FBL: variants seen among roughly 807,000 people sequenced by gnomAD.
The protein encoded by FBL is fibrillarin rRNA 2'-O-methyltransferase.
Under a neutral mutation model 42.2 loss-of-function variants are expected in FBL, and 10 were observed. That is an observed-to-expected ratio of 0.24 (90% CI 0.15 to 0.40). FBL has a LOEUF of 0.40. FBL is among the 10% of genes least tolerant of loss of function. The pLI, the probability that FBL is intolerant of heterozygous loss-of-function variation, is 1.00. For synonymous variants in FBL, 165 were observed against 165.4 expected, an observed-to-expected ratio of 1.00 and a Z score of 0.02; for missense variants, 351 against 439.2, an observed-to-expected ratio of 0.80 and a Z score of 1.79.
Position 39,839,170 on chromosome 19 carries a change from G to A in FBL, c.414C>T (p.Asn138=). The A allele has an allele frequency of 6.2e-7, 1 of 1,613,492 alleles. No homozygotes were observed. The highest frequency in any genetic ancestry group is 2.2e-5 in the East Asian group (1 of 44,864). ...CTGCTGCTAGCTTGGAGCGGAAGGG[G>A]TTCCAGGCTCGGTACTCAATTTTGT... ...GDDKIEYRAW[N]PFRSKLAAAI... Residue 138 remains asparagine, a synonymous_variant, in exon 5 of 9, where the codon AAC becomes AAT. Coordinates refer to ENST00000221801, the MANE Select transcript of FBL (RefSeq NM_001436.4).
At position 39,834,767 on chromosome 19, in the gene FBL, G is replaced by A; in HGVS notation, c.842C>T (p.Ser281Phe). 6.2e-7 allele frequency: 1 copy of A among 1,614,180 alleles called. No individual in the cohort carries two copies. Among genetic ancestry groups the A allele is most frequent in the Non-Finnish European group, 8.5e-7 (1 of 1,180,038 alleles). The stretch of plus-strand genomic sequence containing the variant: ...CTCCTGTTGCATCTTTTTCACTTCG[G>A]AGGCAAACACGGCCTCGGCTGAGGC... ...STASAEAVFA[S>F]EVKKMQQENM... Residue 281 changes from serine (S) to phenylalanine (F), a missense_variant, in exon 8 of 9, where the codon TCC becomes TTC. Coordinates refer to ENST00000221801, the MANE Select transcript of FBL (RefSeq NM_001436.4).
rs2145070137 is a variant in FBL, at chr19:39,845,779, T to G, written c.10+512A>C. Among the ~76,000 whole-genome samples the G allele has an allele frequency of 2.0e-5, 3 of 152,300 alleles. No individual in the cohort carries two copies. In the South Asian group the frequency reaches 6.2e-4, roughly 32 times the overall value. The stretch of plus-strand genomic sequence containing the variant: ...CCGCACACGGCCAACCGGGGAGTCC[T>G]CATCCACTCCGGCCCACTCGGAAAA... On this transcript the variant is annotated intron_variant, in intron 1 of 8. Coordinates refer to ENST00000221801, the MANE Select transcript of FBL (RefSeq NM_001436.4).
chr19:39,835,287 G>A (rs989006511), intron 7 of FBL, among the ~76,000 whole-genome samples: 12 of 152,214 alleles, frequency 7.9e-5, no homozygotes, highest in South Asian at 4.1e-4. Context: ...TTGGGAGGCC[G>A]AGGTGGCTCA....
At chr19:39,841,233 T>C (rs1266621975) in intron 1 of FBL, among the ~76,000 whole-genome samples, 2 of 151,972 alleles carry the variant, frequency 1.3e-5, no homozygotes, top group Non-Finnish European at 2.9e-5. Flanking sequence ...ACTACTCCCA[T>C]AGTGTAGAGA....
intron 1 of FBL, among the ~76,000 whole-genome samples, chr19:39,844,496 CCT>C (rs1337743332): frequency 1.3e-5 from 2 of 152,150 alleles, no homozygotes; most frequent in Non-Finnish European, 2.9e-5. Context: ...CCATAAACCC[CCT>C]GATTTAAAAT....
At chr19:39,841,331 C>T (rs1401021364) in intron 1 of FBL, among the ~76,000 whole-genome samples, 1 of 152,084 alleles carries the variant, frequency 6.6e-6, no homozygotes, top group East Asian at 1.9e-4. Context: ...GCTGGGATTA[C>T]AGGTGTCAGG....
intron 1 of FBL, among the ~76,000 whole-genome samples, chr19:39,842,206 C>T (rs1969175711): frequency 6.6e-6 from 1 of 152,260 alleles, no homozygotes; most frequent in East Asian, 1.9e-4. Flanking sequence ...CTGCCTCAGC[C>T]TCCCCAGTAG....
intron 1 of FBL, among the ~76,000 whole-genome samples, chr19:39,841,814 C>T (rs1969168656): frequency 2.6e-5 from 4 of 152,186 alleles, no homozygotes; most frequent in Admixed American, 6.5e-5. Flanking sequence ...CTGCACTTTA[C>T]AAGTAGTTTG....
rs1969142598 is a variant in FBL at position 39,840,596 on chromosome 19, G to C, written c.181+21C>G. 1 of 1,613,126 alleles carries C rather than the reference G, an allele frequency of 6.2e-7. No individual in the cohort carries two copies. Among genetic ancestry groups the C allele is most frequent in the South Asian group, 1.1e-5 (1 of 91,018 alleles). ...TCCCCACCTCAGGAAGGCCTCCTCTGTAACCCCTAGCCAATCTTACCACCT... is the reference window on the plus strand; with the variant it reads ...TCCCCACCTCAGGAAGGCCTCCTCTCTAACCCCTAGCCAATCTTACCACCT... On this transcript the variant is annotated intron_variant, in intron 2 of 8. Coordinates refer to ENST00000221801, the MANE Select transcript of FBL (RefSeq NM_001436.4). The surrounding 1 kb of genome is among the most constrained non-coding windows in gnomAD (Gnocchi z 4.5).
Position 39,840,908 on chromosome 19 carries a change from C to A in FBL, c.11-121G>T. On this transcript the variant is annotated intron_variant, in intron 1 of 8. Coordinates refer to ENST00000221801, the MANE Select transcript of FBL (RefSeq NM_001436.4). This position sits in a 1 kb window ranked among gnomAD's most constrained non-coding sequence, Gnocchi z 4.5. The stretch of plus-strand genomic sequence containing the variant: ...ACATGTGCCCGTGTACAGCAGGACA[C>A]ATTTCCAAGAATGTCCACAGCAAAA... 1.1e-6 allele frequency: 1 copy of A among 941,380 alleles called. No homozygotes were observed. The highest frequency in any genetic ancestry group is 3.1e-4 in the Middle Eastern group (1 of 3,236). The allele number at this position is 941,380 out of a possible 1,614,324, so 58.3% of individuals were successfully genotyped here. A position where few individuals can be genotyped will look rare whatever the true frequency, so the allele number is the denominator to read the frequency against.
At position 39,839,153 on chromosome 19, in the gene FBL, A is replaced by G. The variant is rs1969108592; in HGVS notation, c.431T>C (p.Leu144Pro). The G allele has an allele frequency of 1.2e-6, 2 of 1,613,998 alleles. No individual in the cohort carries two copies. Among genetic ancestry groups the G allele is most frequent in the Non-Finnish European group, 8.5e-7 (1 of 1,179,960 alleles). ...YRAWNPFRSKLAAAILGGVDQ... is the reference protein window; with the variant it reads ...YRAWNPFRSKPAAAILGGVDQ... ...CACACCACCCAGGATTGCTGCTGCT[A>G]GCTTGGAGCGGAAGGGGTTCCAGGC... Residue 144 changes from leucine to proline, a missense_variant, in exon 5 of 9, where the codon CTA (leucine) becomes CCA (proline). By Grantham distance (98) the Leu-to-Pro change is moderately conservative. Transcript: ENST00000221801.
chr19:39,839,238 A>G (rs1413805379), intron 4 of FBL, 33 bp from the exon 5 acceptor site: 2 of 1,568,524 alleles, frequency 1.3e-6, no homozygotes, highest in Non-Finnish European at 8.7e-7. Context: ...AGTCAGTGCT[A>G]GGCTCTTCTG....
chr19:39,837,432 G>A (rs1263764146), intron 6 of FBL, among the ~76,000 whole-genome samples: 2 of 152,194 alleles, frequency 1.3e-5, no homozygotes, highest in Non-Finnish European at 2.9e-5. Context: ...TGGAGGGGTA[G>A]TGTAATAAAT....
At chr19:39,839,305 A>C in intron 4 of FBL, 100 bp from the exon 5 acceptor site, 1 of 910,294 alleles carries the variant, frequency 1.1e-6, no homozygotes, top group Non-Finnish European at 1.7e-6. Flanking sequence ...CTGTCCTATC[A>C]CTGCACAAGA....
At chr19:39,835,412 G>A (rs545158620) in intron 7 of FBL, among the ~76,000 whole-genome samples, 3 of 152,010 alleles carry the variant, frequency 2.0e-5, no homozygotes, top group East Asian at 1.9e-4. Flanking sequence ...CCACCTACTC[G>A]GGAAGCTGAC....
intron 6 of FBL, among the ~76,000 whole-genome samples, chr19:39,837,309 T>A (rs541151652): frequency 9.8e-5 from 15 of 152,350 alleles, no homozygotes; most frequent in Admixed American, 9.2e-4. Flanking sequence ...GAATGTTTTT[T>A]TAAACAAAGT....
chr19:39,843,329 A>G (rs1473762513), intron 1 of FBL, among the ~76,000 whole-genome samples: 1 of 152,196 alleles, frequency 6.6e-6, no homozygotes, highest in Non-Finnish European at 1.5e-5. Flanking sequence ...CAGAAAGCAC[A>G]CAATCCATCA....
intron 1 of FBL, among the ~76,000 whole-genome samples, chr19:39,846,085 C>T (rs1969256689): frequency 6.6e-6 from 1 of 152,248 alleles, no homozygotes; most frequent in Non-Finnish European, 1.5e-5. Flanking sequence ...GGCCCACGGC[C>T]TTCTTCGACT....
intron 1 of FBL, 38 bp downstream of exon 1, chr19:39,846,253 C>T (rs1234993407): frequency 6.2e-7 from 1 of 1,612,916 alleles, no homozygotes; most frequent in South Asian, 1.1e-5. Flanking sequence ...TCCCGCCCGG[C>T]CTCCGTCCCT....
Sources: allele counts gnomAD v4.1 joint callset (sites outside exome capture counted in the v4.1 genomes callset), GRCh38; gene constraint gnomAD v4.1.1; non-coding constraint Gnocchi (gnomAD v3.1); transcripts MANE v1.5; gene names NCBI Gene and HGNC (gene_info 2026-07-23, HGNC 2026-07-21).